Variants in NEGR1 observed in about 807,000 individuals in gnomAD.
The protein encoded by NEGR1 is IgLON family member 4.
A neutral mutation model predicts 40.9 loss-of-function variants in NEGR1; 10 were observed. The ratio of observed to expected loss-of-function variants is 0.24; its 90% CI spans 0.15 to 0.42. The LOEUF is 0.42. NEGR1 is among the 10% of genes least tolerant of loss of function. NEGR1 has a pLI of 1.00. For missense variants in NEGR1, 352 were observed against 438.9 expected (o/e 0.80, Z 1.77); for synonymous variants, 185 against 166.8 (o/e 1.11, Z -0.84).
chr1:71,557,104 G>A lies in NEGR1; in HGVS notation c.940+35713C>T, dbSNP rs76616140. Among the ~76,000 whole-genome samples the A allele has an allele frequency of 2.6e-3, 396 of 151,764 alleles. 3 individuals carry two copies. Among genetic ancestry groups the A allele is most frequent in the Admixed American group, 5.1e-3 (77 of 15,204 alleles). Reference sequence around the variant, plus strand: ...TTCCCACTACAGCCACCCAAATACTGTGAAGCCTGATAGTCTGTAGTTAAA... The same window carrying A: ...TTCCCACTACAGCCACCCAAATACTATGAAGCCTGATAGTCTGTAGTTAAA... On this transcript the variant is annotated intron_variant, in intron 6 of 6. Transcript: ENST00000357731.
intron 2 of NEGR1, among the ~76,000 whole-genome samples, chr1:71,928,075 T>TATATATACAC (rs1645797140): frequency 7.9e-5 from 2 of 25,366 alleles, no homozygotes; most frequent in African/African-American, 1.6e-4. Context: ...CACACATATG[T>TATATATACAC]ACATATATGT....
chr1:72,211,540 G>C (rs971898803), intron 1 of NEGR1, among the ~76,000 whole-genome samples: 1 of 151,232 alleles, frequency 6.6e-6, no homozygotes, highest in African/African-American at 2.4e-5. Context: ...CAAGCCAGCT[G>C]TCTTCTATTA....
chr1:71,411,966 A>G (rs1260982124), intron 6 of NEGR1, among the ~76,000 whole-genome samples: 1 of 152,014 alleles, frequency 6.6e-6, no homozygotes, highest in Non-Finnish European at 1.5e-5. Flanking sequence ...GCGCCACTGC[A>G]CTCCAGCCTG....
intron 4 of NEGR1, among the ~76,000 whole-genome samples, chr1:71,660,376 A>T (rs1008128692): frequency 6.6e-6 from 1 of 152,062 alleles, no homozygotes; most frequent in African/African-American, 2.4e-5. Context: ...GCTATTGGAT[A>T]CTGAGCTTAA....
chr1:71,575,730 C>T (rs1057065561), intron 6 of NEGR1, among the ~76,000 whole-genome samples: 7 of 152,174 alleles, frequency 4.6e-5, no homozygotes, highest in African/African-American at 1.4e-4. Flanking sequence ...TTGCAGTGAG[C>T]CGAGATCTCG....
At chr1:71,431,723 A>G (rs1252807879) in intron 6 of NEGR1, among the ~76,000 whole-genome samples, 1 of 152,230 alleles carries the variant, frequency 6.6e-6, no homozygotes, top group African/African-American at 2.4e-5. Context: ...AAATAAACAA[A>G]TAAAACATCA....
chr1:71,817,642 G>C (rs1256854476), intron 2 of NEGR1, among the ~76,000 whole-genome samples: 1 of 140,782 alleles, frequency 7.1e-6, no homozygotes, highest in East Asian at 1.9e-4. Flanking sequence ...CACTAGTAAG[G>C]AGGAACACAG....
intron 3 of NEGR1, among the ~76,000 whole-genome samples, chr1:71,721,821 A>G (rs1055204127): frequency 2.0e-5 from 3 of 152,152 alleles, no homozygotes; most frequent in African/African-American, 7.2e-5. Flanking sequence ...GATGGTCACT[A>G]AAAGTCATTT....
At chr1:71,818,549 G>A (rs1200648484) in intron 2 of NEGR1, among the ~76,000 whole-genome samples, 1 of 151,924 alleles carries the variant, frequency 6.6e-6, no homozygotes, top group Non-Finnish European at 1.5e-5. Context: ...AGGTTGGGAG[G>A]AGGGAGATGA....
intron 6 of NEGR1, among the ~76,000 whole-genome samples, chr1:71,545,653 C>T (rs976554993): frequency 6.6e-6 from 1 of 151,322 alleles, no homozygotes; most frequent in Non-Finnish European, 1.5e-5. Context: ...CATTGTGTGC[C>T]AAATCTCTCA....
chr1:71,604,728 C>T (rs903414912), intron 5 of NEGR1, among the ~76,000 whole-genome samples: 8 of 152,134 alleles, frequency 5.3e-5, no homozygotes, highest in Non-Finnish European at 7.4e-5. Flanking sequence ...TGCATTCATT[C>T]GTATCTGCAC....
In NEGR1 at chr1:71,405,749, A is replaced by G. The variant is rs2101254715; in HGVS notation, c.*1697T>C. The G allele has an allele frequency of 6.6e-6, 1 of 151,848 alleles. No homozygotes were observed. Among genetic ancestry groups the G allele is most frequent in the Non-Finnish European group, 1.5e-5 (1 of 67,664 alleles). The allele number at this position is 151,848 out of a possible 1,614,324, so 9.4% of individuals were successfully genotyped here. A position where few individuals can be genotyped will look rare whatever the true frequency, so the allele number is the denominator to read the frequency against. On this transcript the variant is annotated 3_prime_UTR_variant, in exon 7 of 7. Coordinates refer to ENST00000357731, the MANE Select transcript of NEGR1 (RefSeq NM_173808.3). ...TAGGGCAACATACTAGATATCTCAA[A>G]TATGTATAACCACTGCAAAATTTCT...
chr1:72,080,288 T>A (rs893113926), intron 1 of NEGR1, among the ~76,000 whole-genome samples: 1 of 152,122 alleles, frequency 6.6e-6, no homozygotes, highest in Non-Finnish European at 1.5e-5. Flanking sequence ...GTATTTTGAA[T>A]ATATTAAGCA....
intron 6 of NEGR1, among the ~76,000 whole-genome samples, chr1:71,478,533 T>G (rs1222324877): frequency 6.6e-6 from 1 of 152,078 alleles, no homozygotes; most frequent in Non-Finnish European, 1.5e-5. Flanking sequence ...AACATCTTGA[T>G]ATTTTTATTT....
chr1:71,557,759 A>G (rs933737107), intron 6 of NEGR1, among the ~76,000 whole-genome samples: 1 of 151,654 alleles, frequency 6.6e-6, no homozygotes, highest in Non-Finnish European at 1.5e-5. Context: ...AGAAATTAAC[A>G]TAGGCACAAT....
At chr1:71,983,653 A>T (rs2100343332) in intron 1 of NEGR1, among the ~76,000 whole-genome samples, 1 of 152,254 alleles carries the variant, frequency 6.6e-6, no homozygotes, top group Admixed American at 6.5e-5. Context: ...CTGCTTTGTG[A>T]ACAACTAAAC....
At chr1:72,074,867 T>C (rs1647652842) in intron 1 of NEGR1, among the ~76,000 whole-genome samples, 1 of 152,158 alleles carries the variant, frequency 6.6e-6, no homozygotes, top group African/African-American at 2.4e-5. Context: ...TTAAATTCAG[T>C]TATGATTTCA....
In NEGR1 at chr1:71,670,756, A is replaced by C. The variant is rs144707777; in HGVS notation, c.667+27252T>G. 5.2e-3 allele frequency among the ~76,000 whole-genome samples: 794 copies of C among 151,326 alleles called. 21 individuals carry two copies. The highest frequency in any genetic ancestry group is 0.047 in the Admixed American group (713 of 15,198). ...CATTTTGTCTCCTCAGCTCTGGAAA[A>C]ATTTCAACAACAATTCTGTTTTTTT... On this transcript the variant is annotated intron_variant, in intron 4 of 6. Coordinates refer to ENST00000357731, the MANE Select transcript of NEGR1 (RefSeq NM_173808.3).
intron 1 of NEGR1, among the ~76,000 whole-genome samples, chr1:72,280,802 C>CAAACAG (rs1656215981): frequency 6.6e-6 from 1 of 152,090 alleles, no homozygotes; most frequent in African/African-American, 2.4e-5. Context: ...TTGCATGTTT[C>CAAACAG]AAACAGAAAC....
Sources: allele counts gnomAD v4.1 joint callset (sites outside exome capture counted in the v4.1 genomes callset), GRCh38; gene constraint gnomAD v4.1.1; transcripts MANE v1.5; gene names NCBI Gene and HGNC (gene_info 2026-07-23, HGNC 2026-07-21).